SLC25A21: variants seen among roughly 807,000 people sequenced by gnomAD.
SLC25A21 encodes solute carrier family 25 member 21, also known as mitochondrial 2-oxodicarboxylate carrier.
A neutral mutation model predicts 43.8 loss-of-function variants in SLC25A21; 47 were observed. The ratio of observed to expected loss-of-function variants is 1.07; its 90% CI spans 0.85 to 1.37. The LOEUF (loss-of-function observed/expected upper bound fraction) is 1.37. Ranked by LOEUF, SLC25A21 falls within the 40% of genes most tolerant of loss-of-function variation. SLC25A21 has a pLI of 0.00. For synonymous variants in SLC25A21, 131 were observed against 121.3 expected, an observed-to-expected ratio of 1.08 and a Z score of -0.52; for missense variants, 352 against 350.2, an observed-to-expected ratio of 1.00 and a Z score of -0.04.
chr14:36,780,019 T>C (rs1018980006), intron 3 of SLC25A21, among the ~76,000 whole-genome samples: 4 of 151,956 alleles, frequency 2.6e-5, no homozygotes, highest in South Asian at 4.1e-4. Flanking sequence ...AATTTGATCG[T>C]ACTTCTTATT....
At chr14:36,862,276 T>A (rs920125099) in intron 2 of SLC25A21, among the ~76,000 whole-genome samples, 3 of 152,200 alleles carry the variant, frequency 2.0e-5, no homozygotes, top group Non-Finnish European at 4.4e-5. Flanking sequence ...CTCAAAGGAT[T>A]AGAAATCATT....
chr14:36,958,683 A>G (rs12431792), intron 1 of SLC25A21, among the ~76,000 whole-genome samples: 1,166 of 25,252 alleles, frequency 0.046, 6 homozygotes, highest in African/African-American at 0.12. Flanking sequence ...ACACGTGCAC[A>G]CACACACACA....
At chr14:36,775,142 T>C (rs1212815384) in intron 3 of SLC25A21, among the ~76,000 whole-genome samples, 1 of 152,196 alleles carries the variant, frequency 6.6e-6, no homozygotes, top group Non-Finnish European at 1.5e-5. Context: ...TAATTGCTTA[T>C]TTCCAAAGAA....
chr14:36,786,113 C>T (rs1168219440), intron 3 of SLC25A21, among the ~76,000 whole-genome samples: 4 of 152,238 alleles, frequency 2.6e-5, no homozygotes, highest in African/African-American at 4.8e-5. Context: ...ATCAGAAACG[C>T]CTGGATTTAT....
intron 6 of SLC25A21, among the ~76,000 whole-genome samples, chr14:36,717,887 C>T (rs1884211093): frequency 6.6e-6 from 1 of 152,120 alleles, no homozygotes; most frequent in African/African-American, 2.4e-5. Context: ...GAAATATCAA[C>T]TGAGTGTGAG....
chr14:37,100,617 T>C (rs1962799031), intron 1 of SLC25A21, among the ~76,000 whole-genome samples: 1 of 152,146 alleles, frequency 6.6e-6, no homozygotes, highest in South Asian at 2.1e-4. Flanking sequence ...AACAAGCAGA[T>C]CACTTCCCAC....
intron 1 of SLC25A21, among the ~76,000 whole-genome samples, chr14:37,144,241 G>A (rs1336094217): frequency 1.3e-5 from 2 of 152,088 alleles, no homozygotes; most frequent in Non-Finnish European, 2.9e-5. Flanking sequence ...GTGAAATATG[G>A]AAATGATTTA....
chr14:37,028,085 ATATAT>A lies in SLC25A21; in HGVS notation c.70+144191_70+144195del, dbSNP rs141216384. 4.2e-3 allele frequency among the ~76,000 whole-genome samples: 641 copies of A among 152,306 alleles called. 4 individuals carry two copies. The highest frequency in any genetic ancestry group is 0.014 in the African/African-American group (588 of 41,576). ...AATTTTTTCAAATTTTACTGAAGTG[ATATAT>A]TATATCCAAATTCTTAAATAACTGT... On this transcript the variant is annotated intron_variant, in intron 1 of 9. Coordinates refer to ENST00000331299, the MANE Select transcript of SLC25A21 (RefSeq NM_030631.4).
intron 2 of SLC25A21, among the ~76,000 whole-genome samples, chr14:36,836,806 CAG>C (rs1481963182): frequency 6.6e-6 from 1 of 152,162 alleles, no homozygotes; most frequent in Non-Finnish European, 1.5e-5. Context: ...GGGGAATTAA[CAG>C]AAAGTTTTTC....
chr14:37,084,313 G>C (rs1962443183), intron 1 of SLC25A21, among the ~76,000 whole-genome samples: 1 of 152,142 alleles, frequency 6.6e-6, no homozygotes, highest in Non-Finnish European at 1.5e-5. Context: ...TCTTCCTCTA[G>C]ATCTCAGATG....
At chr14:36,902,594 T>C (rs1056959976) in intron 1 of SLC25A21, among the ~76,000 whole-genome samples, 1 of 152,230 alleles carries the variant, frequency 6.6e-6, no homozygotes, top group Non-Finnish European at 1.5e-5. Context: ...ATATGATAAA[T>C]TTGTTTTTAA....
intron 3 of SLC25A21, among the ~76,000 whole-genome samples, chr14:36,778,345 A>G (rs1183736964): frequency 6.6e-6 from 1 of 152,250 alleles, no homozygotes; most frequent in East Asian, 1.9e-4. Flanking sequence ...TATGCTATTA[A>G]TATAACAAGA....
intron 2 of SLC25A21, among the ~76,000 whole-genome samples, chr14:36,871,309 C>A (rs61988040): frequency 6.6e-6 from 1 of 152,098 alleles, no homozygotes; most frequent in Non-Finnish European, 1.5e-5. Flanking sequence ...CTTTATGAAC[C>A]AGGAAACAGG....
chr14:36,930,888 A>G (rs1223402947), intron 1 of SLC25A21, among the ~76,000 whole-genome samples: 2 of 152,038 alleles, frequency 1.3e-5, no homozygotes, highest in African/African-American at 4.8e-5. Context: ...TATTTCCAGT[A>G]TTTGCTTCCC....
chr14:37,103,711 T>C (rs1004142757), intron 1 of SLC25A21, among the ~76,000 whole-genome samples: 2 of 152,158 alleles, frequency 1.3e-5, no homozygotes, highest in East Asian at 3.9e-4. Context: ...AACCAGGATA[T>C]TCATGCTAAT....
At chr14:36,875,105 A>T in intron 1 of SLC25A21, 101 bp from the exon 2 acceptor site, 1 of 865,374 alleles carries the variant, frequency 1.2e-6, no homozygotes, top group South Asian at 1.8e-5. Flanking sequence ...CAGATAAAGA[A>T]CTTGGGACTT....
intron 7 of SLC25A21, among the ~76,000 whole-genome samples, chr14:36,685,358 C>A (rs1046043044): frequency 2.6e-5 from 4 of 152,144 alleles, no homozygotes; most frequent in Non-Finnish European, 5.9e-5. Context: ...TGTGTGGACC[C>A]CCAAATGTTA....
At chr14:37,026,076 T>C (rs187500107) in intron 1 of SLC25A21, among the ~76,000 whole-genome samples, 1 of 152,220 alleles carries the variant, frequency 6.6e-6, no homozygotes, top group African/African-American at 2.4e-5. Context: ...CCCTAAAGAC[T>C]AGACGTCCTA....
Position 37,007,139 on chromosome 14 carries a change from C to A in SLC25A21, c.71-132135G>T, listed in dbSNP as rs576838323. On this transcript the variant is annotated intron_variant, in intron 1 of 9. Coordinates refer to ENST00000331299, the MANE Select transcript of SLC25A21 (RefSeq NM_030631.4). ...AGTGATAGTTGCCAAAGTGGCAGTA[C>A]AAATGATCTGTTACAGAGGAACTCT... Among the ~76,000 whole-genome samples the A allele has an allele frequency of 2.0e-5, 3 of 152,300 alleles. No homozygotes were observed. In the East Asian group the frequency reaches 5.8e-4, roughly 29 times the overall value.
Sources: gnomAD v4.1 joint callset for allele counts (sites outside exome capture counted in the v4.1 genomes callset) on GRCh38, gnomAD v4.1.1 for gene constraint, MANE v1.5 for transcripts, NCBI Gene and HGNC (gene_info 2026-07-23, HGNC 2026-07-21) for gene names.